The following UBR7 variants were observed in gnomAD, a reference collection of about 807,000 sequenced individuals.
UBR7 encodes the protein ubiquitin protein ligase E3 component n-recognin 7.
A neutral mutation model predicts 57.0 loss-of-function variants in UBR7; 22 were observed. The observed-to-expected ratio is 0.39, with a 90% CI of 0.28 to 0.55. UBR7 has a LOEUF of 0.55. UBR7 is among the 20% of genes least tolerant of loss of function. The pLI is 0.69. For synonymous variants in UBR7, 167 were observed against 179.8 expected (o/e 0.93, Z 0.57); for missense variants, 395 against 513.2 (o/e 0.77, Z 2.23).
chr14:93,215,955 C>T (rs1048430466), intron 6 of UBR7, among the ~76,000 whole-genome samples: 2 of 152,064 alleles, frequency 1.3e-5, no homozygotes, highest in African/African-American at 2.4e-5. Flanking sequence ...AACAAAATAC[C>T]TTAGGCTGGG....
intron 10 of UBR7, chr14:93,223,897 G>T: frequency 2.7e-6 from 2 of 733,020 alleles, no homozygotes; most frequent in South Asian, 1.4e-5. Context: ...AGCTCAGCCA[G>T]ATGCCGAAGT....
intron 3 of UBR7, among the ~76,000 whole-genome samples, chr14:93,211,305 G>C (rs774445787): frequency 2.6e-5 from 4 of 152,060 alleles, no homozygotes; most frequent in Non-Finnish European, 5.9e-5. Context: ...CTAGCACTTT[G>C]GGAGGCCGAG....
chr14:93,211,032 T>C (rs1566820293), intron 3 of UBR7, among the ~76,000 whole-genome samples: 1 of 152,264 alleles, frequency 6.6e-6, no homozygotes, highest in East Asian at 1.9e-4. Context: ...GGTCAAGAGA[T>C]CGAGACCATC....
rs191442449 is a variant in UBR7, at chr14:93,210,535, A to G, written c.285-113A>G. The stretch of plus-strand genomic sequence containing the variant: ...ATGTGATATAAATATTTGCTTTTGT[A>G]CATATTAATTTCCCGAATTGTGAAG... On this transcript the variant is annotated intron_variant, in intron 2 of 10. Coordinates refer to ENST00000013070, the MANE Select transcript of UBR7 (RefSeq NM_175748.4). 1,732 of 848,306 alleles carry G rather than the reference A, an allele frequency of 2.0e-3. 5 individuals are homozygous for G. Among genetic ancestry groups the G allele is most frequent in the Non-Finnish European group, 2.9e-3 (1,512 of 517,092 alleles). 52.5% of individuals were successfully genotyped at this position (848,306 alleles called of 1,614,324 possible).
chr14:93,211,727 A>G (rs1894488799), intron 3 of UBR7, among the ~76,000 whole-genome samples: 1 of 152,060 alleles, frequency 6.6e-6, no homozygotes, highest in Admixed American at 6.6e-5. Context: ...TTCCAGGCCA[A>G]TATCAGTTCA....
chr14:93,215,229 GGCCT>G lies in UBR7; in HGVS notation c.552_555del (p.Cys185Ter). On this transcript the variant is annotated frameshift_variant, in exon 6 of 11. Transcript: ENST00000013070. LOFTEE classifies it high-confidence loss of function. ...GGGATTTTCAGGAGATGGTATGCCAGGCCTGCATGAAACGTTGTTCTTTTTTGTG... is the reference window on the plus strand; with the variant it reads ...GGGATTTTCAGGAGATGGTATGCCAGGCATGAAACGTTGTTCTTTTTTGTG... The G allele has an allele frequency of 1.3e-6, 2 of 1,591,474 alleles. No homozygotes were observed. Among genetic ancestry groups the G allele is most frequent in the Non-Finnish European group, 1.7e-6 (2 of 1,168,340 alleles).
In UBR7 at chr14:93,219,334, C is replaced by G. The variant is rs1894657996; in HGVS notation, c.933C>G (p.Ser311Arg). Residue 311 changes from serine (S) to arginine (R), a missense_variant, in exon 8 of 11, where the codon AGC becomes AGG. Coordinates refer to ENST00000013070, the MANE Select transcript of UBR7 (RefSeq NM_175748.4). ...CCTATTGGCCCCTGAACTGGCGTAG[C>G]AAGTTGTGTACCTGCCAAGACTGTA... ...TATYWPLNWR[S>R]KLCTCQDCMK... The G allele has an allele frequency of 6.2e-7, 1 of 1,614,044 alleles. No homozygotes were observed. The highest frequency in any genetic ancestry group is 1.3e-5 in the African/African-American group (1 of 74,922).
At chr14:93,212,406 C>G (rs1164435756) in intron 4 of UBR7, among the ~76,000 whole-genome samples, 1 of 152,164 alleles carries the variant, frequency 6.6e-6, no homozygotes, top group Non-Finnish European at 1.5e-5. Flanking sequence ...TCCCCCAGTC[C>G]CCAAACACTT....
chr14:93,208,642 A>G (rs1894417912), intron 1 of UBR7, among the ~76,000 whole-genome samples: 1 of 152,114 alleles, frequency 6.6e-6, no homozygotes, highest in Non-Finnish European at 1.5e-5. Context: ...AACCCAGATC[A>G]ACAAATAGAA....
chr14:93,222,406 C>A, intron 10 of UBR7, 32 bp downstream of exon 10: 5 of 1,493,820 alleles, frequency 3.3e-6, no homozygotes, highest in Non-Finnish European at 4.7e-6. Context: ...TAATCATAGC[C>A]CTGTAAGTTT....
intron 9 of UBR7, among the ~76,000 whole-genome samples, chr14:93,221,180 G>A (rs138248742): frequency 0.11 from 15,991 of 150,014 alleles, 876 homozygotes; most frequent in African/African-American, 0.14. Context: ...GCGCGATCTC[G>A]GCTCACTGCA....
At position 93,224,145 on chromosome 14, in the gene UBR7, C is replaced by T. The variant is rs41465149; in HGVS notation, c.1185+1771C>T. 9.9e-3 allele frequency: 6,548 copies of T among 661,910 alleles called. 330 individuals are homozygous for T. The African/African-American group carries it at 0.11, about 11-fold the overall frequency. 41.0% of individuals were successfully genotyped at this position (661,910 alleles called of 1,614,324 possible). A position where few individuals can be genotyped will look rare whatever the true frequency, so the allele number is the denominator to read the frequency against. The stretch of plus-strand genomic sequence containing the variant: ...AGTGTGCCCGAGGCCTTCATGGCGT[C>T]CTCTCCGCGCTCGCCACCACCCGCA... On this transcript the variant is annotated intron_variant, in intron 10 of 10. Coordinates refer to ENST00000013070, the MANE Select transcript of UBR7 (RefSeq NM_175748.4).
At position 93,218,782 on chromosome 14, in the gene UBR7, G is replaced by A. The variant is rs201911756; in HGVS notation, c.810+47G>A. 92 of 1,587,132 alleles carry A rather than the reference G, an allele frequency of 5.8e-5. No individual in the cohort carries two copies. The African/African-American group carries it at 9.5e-4, about 16-fold the overall frequency. ...ATCAAGAAATAAGACTGGGCCAGGC[G>A]CGGTGGCTCATGCCCATAATCCCAG... On this transcript the variant is annotated intron_variant, in intron 7 of 10. Coordinates refer to ENST00000013070, the MANE Select transcript of UBR7 (RefSeq NM_175748.4).
chr14:93,218,420 AAAAT>A, intron 6 of UBR7, 103 bp from the exon 7 acceptor site: 1 of 1,036,270 alleles, frequency 9.6e-7, no homozygotes. Flanking sequence ...GTAAAAAAAA[AAAAT>A]AATAATAATA....
chr14:93,209,257 T>TA (rs1275526730), intron 1 of UBR7, among the ~76,000 whole-genome samples: 2 of 152,264 alleles, frequency 1.3e-5, no homozygotes, highest in African/African-American at 4.8e-5. Context: ...AGGCATCTCC[T>TA]AAAAATCAAA....
intron 4 of UBR7, among the ~76,000 whole-genome samples, chr14:93,212,665 A>C (rs1894509099): frequency 6.6e-6 from 1 of 152,162 alleles, no homozygotes; most frequent in African/African-American, 2.4e-5. Context: ...TTTCCTTTCT[A>C]TTAACAGAAG....
chr14:93,218,670 C>A lies in UBR7; in HGVS notation c.745C>A (p.Arg249=). 1 of 1,613,982 alleles carries A rather than the reference C, an allele frequency of 6.2e-7. No individual in the cohort carries two copies. Among genetic ancestry groups the A allele is most frequent in the South Asian group, 1.1e-5 (1 of 91,068 alleles). Residue 249 remains arginine (R), a synonymous_variant, in exon 7 of 11, where the codon CGG becomes AGG. Transcript: ENST00000013070. Reference sequence around the variant, plus strand: ...TCCAGAACAGGGAAAGGATGATGTCCGGGAGGTTAAAGTAGAGCAGAACAG... The same window carrying A: ...TCCAGAACAGGGAAAGGATGATGTCAGGGAGGTTAAAGTAGAGCAGAACAG... The part of the protein sequence containing the change: ...DVPEQGKDDV[R]EVKVEQNSEP...
At chr14:93,226,254 T>G (rs1343731105) in intron 10 of UBR7, among the ~76,000 whole-genome samples, 1 of 152,246 alleles carries the variant, frequency 6.6e-6, no homozygotes, top group African/African-American at 2.4e-5. Flanking sequence ...TTTCCCTTTT[T>G]GCTCGAATTC....
intron 3 of UBR7, 57 bp from the exon 4 acceptor site, chr14:93,211,975 G>T (rs1894493188): frequency 3.0e-6 from 4 of 1,328,424 alleles, no homozygotes; most frequent in Non-Finnish European, 3.2e-6. Flanking sequence ...TTTATAATGT[G>T]TGAAATTATA....
Sources: allele counts gnomAD v4.1 joint callset (sites outside exome capture counted in the v4.1 genomes callset), GRCh38; gene constraint gnomAD v4.1.1; transcripts MANE v1.5; gene names NCBI Gene and HGNC (gene_info 2026-07-23, HGNC 2026-07-21).